The following NFS1 variants were observed in gnomAD, a reference collection of about 807,000 sequenced individuals.
The protein encoded by NFS1 is cysteine desulfurase.
Under a neutral mutation model 57.3 loss-of-function variants are expected in NFS1, and 26 were observed. That is an observed-to-expected ratio of 0.45 (90% CI 0.33 to 0.63). The LOEUF is 0.63. NFS1 is among the 20% of genes least tolerant of loss of function. NFS1 has a pLI of 0.02. For missense variants in NFS1, 505 were observed against 605.8 expected (o/e 0.83, Z 1.75); for synonymous variants, 209 against 216.3 (o/e 0.97, Z 0.30).
intron 12 of NFS1, among the ~76,000 whole-genome samples, chr20:35,671,928 T>G (rs1315137785): frequency 6.6e-6 from 1 of 151,778 alleles, no homozygotes; most frequent in Non-Finnish European, 1.5e-5. Flanking sequence ...ATTACCTGCA[T>G]TCATCTAGTT....
At chr20:35,675,611 G>A in intron 7 of NFS1, 1 of 181,014 alleles carries the variant, frequency 5.5e-6, no homozygotes, top group South Asian at 1.1e-4. Flanking sequence ...GGGTGTGGTG[G>A]TTCACGCCTA....
chr20:35,698,833 G>A, intron 1 of NFS1: 1 of 1,369,002 alleles, frequency 7.3e-7, no homozygotes, highest in Non-Finnish European at 9.4e-7. Context: ...TCGTAGGAAG[G>A]AAGGCTCTAA....
intron 4 of NFS1, 84 bp from the exon 5 acceptor site, chr20:35,690,649 G>A: frequency 7.2e-7 from 1 of 1,387,396 alleles, no homozygotes; most frequent in Non-Finnish European, 1.0e-6. Context: ...AGGAAAAGTG[G>A]GCAAGAACAG....
chr20:35,675,099 T>G lies in NFS1; in HGVS notation c.894A>C (p.Thr298=), dbSNP rs1363130362. 3.7e-6 allele frequency: 6 copies of G among 1,613,980 alleles called. No homozygotes were observed. In the South Asian group the frequency reaches 6.6e-5, roughly 18 times the overall value. Residue 298 remains threonine, a synonymous_variant, in exon 8 of 13, where the codon ACA becomes ACC. Transcript: ENST00000374092. ...ERGMRSGTVP[T]PLVVGLGAAC... ...CAGCCCCCAGCCCCACCACTAAGGG[T>G]GTGGGCACTGTCCCAGACCGCATAC...
At chr20:35,683,343 G>A (rs888342143) in intron 5 of NFS1, among the ~76,000 whole-genome samples, 18 of 151,768 alleles carry the variant, frequency 1.2e-4, no homozygotes, top group Middle Eastern at 3.4e-3. Flanking sequence ...TTAGCCGGGC[G>A]CAGTGGCAGG....
Position 35,672,778 on chromosome 20 carries a change from A to T in NFS1, c.1287T>A (p.His429Gln). The T allele has an allele frequency of 6.2e-7, 1 of 1,613,058 alleles. No individual in the cohort carries two copies. The highest frequency in any genetic ancestry group is 1.1e-5 in the South Asian group (1 of 91,054). Residue 429 changes from histidine to glutamine, a missense_variant, in exon 12 of 13, where the codon CAT (histidine) becomes CAA (glutamine). His to Gln is a conservative substitution (Grantham distance 24). Coordinates refer to ENST00000374092, the MANE Select transcript of NFS1 (RefSeq NM_021100.5). ...VDYTVEKCIQ[H>Q]VKRLREMSPL... ...ACCTCATTTCTCGAAGACGCTTCAC[A>T]TGCTGAATGCATTTCTCCACTGTGT... is the stretch of plus-strand genomic sequence containing the variant.
intron 4 of NFS1, among the ~76,000 whole-genome samples, chr20:35,691,321 T>C (rs1016707969): frequency 6.6e-6 from 1 of 151,912 alleles, no homozygotes; most frequent in African/African-American, 2.4e-5. Context: ...GCCAGTGATA[T>C]AACAGTAAAC....
Position 35,673,701 on chromosome 20 carries a change from G to A in NFS1, c.1137-17C>T, listed in dbSNP as rs1023344491. On this transcript the variant is annotated splice_polypyrimidine_tract_variant and intron_variant, in intron 10 of 12. Coordinates refer to ENST00000374092, the MANE Select transcript of NFS1 (RefSeq NM_021100.5). ...GTGCAGGCACTGAGGAGAGAGACACGAACCTTGTTCAGTTCATCATCAACG... is the reference window on the plus strand; with the variant it reads ...GTGCAGGCACTGAGGAGAGAGACACAAACCTTGTTCAGTTCATCATCAACG... The A allele has an allele frequency of 5.0e-6, 8 of 1,602,816 alleles. No homozygotes were observed. The highest frequency in any genetic ancestry group is 1.3e-5 in the African/African-American group (1 of 74,684).
At chr20:35,683,639 G>A (rs1363648290) in intron 5 of NFS1, among the ~76,000 whole-genome samples, 1 of 151,100 alleles carries the variant, frequency 6.6e-6, no homozygotes, top group Non-Finnish European at 1.5e-5. Flanking sequence ...CATTAGCCAG[G>A]CATGGTGGCA....
intron 1 of NFS1, 45 bp from the exon 2 acceptor site, chr20:35,698,635 C>T: frequency 6.5e-7 from 1 of 1,543,494 alleles, no homozygotes; most frequent in Non-Finnish European, 8.8e-7. Flanking sequence ...CCGAAGGCAA[C>T]TATGAACGCA....
intron 11 of NFS1, 101 bp downstream of exon 11, chr20:35,673,500 G>T (rs915309473): frequency 2.1e-6 from 2 of 955,280 alleles, no homozygotes; most frequent in Non-Finnish European, 3.3e-6. Context: ...AGGAGAACTC[G>T]ACTGAGAAAA....
intron 6 of NFS1, 26 bp downstream of exon 6, chr20:35,681,862 G>A (rs2034854302): frequency 2.2e-6 from 3 of 1,336,146 alleles, no homozygotes; most frequent in Non-Finnish European, 3.2e-6. Flanking sequence ...GGTGGGCAGG[G>A]ATCAGGGATA....
intron 12 of NFS1, among the ~76,000 whole-genome samples, 188 bp downstream of exon 12, chr20:35,672,567 A>G (rs2034674652): frequency 6.6e-6 from 1 of 152,106 alleles, no homozygotes; most frequent in Non-Finnish European, 1.5e-5. Context: ...TTTAGTTTTT[A>G]AAAACACTTT....
chr20:35,694,135 G>T (rs1376388153), intron 4 of NFS1, among the ~76,000 whole-genome samples: 1 of 150,644 alleles, frequency 6.6e-6, no homozygotes, highest in Non-Finnish European at 1.5e-5. Flanking sequence ...GACAGAATGA[G>T]ACCATGTCTT....
At position 35,680,800 on chromosome 20, in the gene NFS1, C is replaced by T; in HGVS notation, c.727G>A (p.Asp243Asn). Residue 243 changes from aspartate to asparagine, a missense_variant, in exon 7 of 13, where the codon GAT becomes AAT. Physicochemically the swap from Asp to Asn is conservative, Grantham distance 23. Transcript: ENST00000374092. ...AAQAVGKIPLDVNDMKIDLMS... is the reference protein window; with the variant it reads ...AAQAVGKIPLNVNDMKIDLMS... ...AGATCAATTTTCATGTCATTGACAT[C>T]AAGTGGGATTTTTCCAACAGCCTGG... is the stretch of plus-strand genomic sequence containing the variant. 6.3e-7 allele frequency: 1 copy of T among 1,582,136 alleles called. No homozygotes were observed. The highest frequency in any genetic ancestry group is 1.7e-4 in the Middle Eastern group (1 of 6,010).
intron 10 of NFS1, chr20:35,673,994 G>A: frequency 2.3e-6 from 1 of 443,972 alleles, no homozygotes; most frequent in East Asian, 4.4e-5. Context: ...ACTTCCCCAG[G>A]ACGTAATGCA....
intron 5 of NFS1, among the ~76,000 whole-genome samples, chr20:35,683,536 T>C (rs1346406596): frequency 2.7e-5 from 4 of 150,780 alleles, no homozygotes; most frequent in Admixed American, 1.3e-4. Flanking sequence ...ATCCAAGCAC[T>C]TTGGGAGGCT....
chr20:35,678,896 T>C (rs1428895522), intron 7 of NFS1, among the ~76,000 whole-genome samples: 1 of 152,130 alleles, frequency 6.6e-6, no homozygotes, highest in African/African-American at 2.4e-5. Context: ...TTAAACTGTA[T>C]TTATTAAGAA....
chr20:35,695,175 C>T (rs1482704770), intron 4 of NFS1, among the ~76,000 whole-genome samples: 2 of 152,174 alleles, frequency 1.3e-5, no homozygotes, highest in Non-Finnish European at 2.9e-5. Context: ...AAATGCTCTC[C>T]ATTTCAGAAA....
Sources: allele counts gnomAD v4.1 joint callset (sites outside exome capture counted in the v4.1 genomes callset), GRCh38; gene constraint gnomAD v4.1.1; transcripts MANE v1.5; gene names NCBI Gene and HGNC (gene_info 2026-07-23, HGNC 2026-07-21).